The following SYNPR variants were observed in gnomAD, a reference collection of about 807,000 sequenced individuals.
The protein encoded by SYNPR is synaptoporin.
Under a neutral mutation model 32.9 loss-of-function variants are expected in SYNPR, and 23 were observed. That is an observed-to-expected ratio of 0.70 (90% CI 0.50 to 0.99). The LOEUF (loss-of-function observed/expected upper bound fraction) is 0.99. Ranked by LOEUF, SYNPR falls within the 50% of genes least tolerant of loss-of-function variation. The pLI is 0.00. For synonymous variants in SYNPR, 146 were observed against 135.9 expected (o/e 1.07, Z -0.52); for missense variants, 318 against 349.3 (o/e 0.91, Z 0.71).
chr3:63,267,757 G>T (rs544728847), intron 3 of SYNPR, among the ~76,000 whole-genome samples: 71 of 152,204 alleles, frequency 4.7e-4, no homozygotes, highest in Non-Finnish European at 7.8e-4. Context: ...TATTATATAG[G>T]ACTGAGAATT....
chr3:63,486,081 G>A (rs1451087602), intron 3 of SYNPR, among the ~76,000 whole-genome samples: 3 of 152,064 alleles, frequency 2.0e-5, no homozygotes, highest in African/African-American at 7.2e-5. Flanking sequence ...GCTAATTTTT[G>A]TATTTTTAGT....
chr3:63,526,985 A>C (rs1280544560), intron 3 of SYNPR, among the ~76,000 whole-genome samples: 1 of 152,150 alleles, frequency 6.6e-6, no homozygotes, highest in Non-Finnish European at 1.5e-5. Flanking sequence ...AAAATATATA[A>C]AGCTCCAAAT....
At chr3:63,581,769 T>G (rs955698657) in intron 4 of SYNPR, among the ~76,000 whole-genome samples, 1 of 152,060 alleles carries the variant, frequency 6.6e-6, no homozygotes, top group African/African-American at 2.4e-5. Flanking sequence ...AAGTTTACTT[T>G]GACTCTTGCT....
chr3:63,363,524 C>A (rs1413717425), intron 2 of SYNPR, among the ~76,000 whole-genome samples: 3 of 152,186 alleles, frequency 2.0e-5, no homozygotes, highest in Admixed American at 1.3e-4. Context: ...GAAATGTATT[C>A]ATGATCTGGC....
intron 3 of SYNPR, among the ~76,000 whole-genome samples, chr3:63,515,209 C>T (rs534168705): frequency 1.3e-3 from 191 of 152,122 alleles, no homozygotes; most frequent in African/African-American, 4.4e-3. Flanking sequence ...AAAACATCTG[C>T]GAGCTTATGA....
chr3:63,515,688 T>C (rs1701783803), intron 3 of SYNPR, among the ~76,000 whole-genome samples: 3 of 152,142 alleles, frequency 2.0e-5, no homozygotes, highest in African/African-American at 7.2e-5. Flanking sequence ...TTAATGACTC[T>C]GTTTTTATTA....
intron 2 of SYNPR, among the ~76,000 whole-genome samples, chr3:63,260,804 A>G (rs966565702): frequency 1.3e-5 from 2 of 151,924 alleles, no homozygotes; most frequent in African/African-American, 4.8e-5. Flanking sequence ...ATGGGAGAAA[A>G]TTTTTGCAAT....
chr3:63,606,998 T>G (rs149126288), intron 4 of SYNPR, among the ~76,000 whole-genome samples: 4 of 152,348 alleles, frequency 2.6e-5, no homozygotes, highest in African/African-American at 9.6e-5. Flanking sequence ...ATGAATATTA[T>G]TATTTGAACA....
chr3:63,585,768 T>C (rs1050759359), intron 4 of SYNPR, among the ~76,000 whole-genome samples: 1 of 152,142 alleles, frequency 6.6e-6, no homozygotes, highest in Non-Finnish European at 1.5e-5. Flanking sequence ...TATTACTTTT[T>C]AATTCTTGCA....
intron 2 of SYNPR, among the ~76,000 whole-genome samples, chr3:63,445,936 A>C (rs993138001): frequency 1.2e-4 from 19 of 152,186 alleles, no homozygotes; most frequent in African/African-American, 4.3e-4. Flanking sequence ...TTATGATTCC[A>C]AGCTAAGTAT....
At chr3:63,571,536 C>A (rs1022906638) in intron 4 of SYNPR, among the ~76,000 whole-genome samples, 1 of 151,938 alleles carries the variant, frequency 6.6e-6, no homozygotes, top group Non-Finnish European at 1.5e-5. Flanking sequence ...AACAGCCAAC[C>A]TTTTAAAGAC....
At chr3:63,210,796 C>T in the SYNPR span, among the ~76,000 whole-genome samples, 1 of 8,156 alleles carries the variant, frequency 1.2e-4, no homozygotes, top group African/African-American at 3.2e-4. Context: ...CATTTTCCTC[C>T]CTTCCTTCCT....
intron 1 of SYNPR, among the ~76,000 whole-genome samples, chr3:63,233,269 T>C (rs1285136610): frequency 6.6e-6 from 1 of 152,230 alleles, no homozygotes; most frequent in Non-Finnish European, 1.5e-5. Context: ...TCTAGCTCCC[T>C]GGAAGATATA....
intron 4 of SYNPR, among the ~76,000 whole-genome samples, chr3:63,557,327 C>A (rs546844779): frequency 3.3e-5 from 5 of 152,264 alleles, no homozygotes; most frequent in African/African-American, 1.2e-4. Flanking sequence ...AAATTTCACC[C>A]TTTACATGTG....
At chr3:63,299,403 C>T (rs549434243) in intron 2 of SYNPR, among the ~76,000 whole-genome samples, 16 of 152,018 alleles carry the variant, frequency 1.1e-4, no homozygotes, top group African/African-American at 3.9e-4. Flanking sequence ...TGTTTTGTTT[C>T]GTTTTTTGTT....
chr3:63,509,256 C>A (rs1205817634), intron 3 of SYNPR, among the ~76,000 whole-genome samples: 1 of 135,108 alleles, frequency 7.4e-6, no homozygotes, highest in South Asian at 2.3e-4. Context: ...CATACACACA[C>A]AATTAAGGCT....
chr3:63,335,126 G>A (rs548279412), intron 2 of SYNPR, among the ~76,000 whole-genome samples: 4 of 152,222 alleles, frequency 2.6e-5, no homozygotes, highest in South Asian at 4.2e-4. Context: ...AGGCCGAGGC[G>A]GGTGGATCAC....
At chr3:63,224,413 A>G (rs896362312), upstream of SYNPR, among the ~76,000 whole-genome samples, 1 of 152,228 alleles carries the variant, frequency 6.6e-6, no homozygotes, top group African/African-American at 2.4e-5. Flanking sequence ...CCTGATGCCA[A>G]ATTATTGGGG....
intron 2 of SYNPR, among the ~76,000 whole-genome samples, chr3:63,427,093 C>T (rs907462088): frequency 6.7e-6 from 1 of 150,318 alleles, no homozygotes; most frequent in Admixed American, 6.6e-5. Context: ...CAACCGGTCT[C>T]AAGCTACTTG....
Sources: allele counts gnomAD v4.1 joint callset (sites outside exome capture counted in the v4.1 genomes callset), GRCh38; gene constraint gnomAD v4.1.1; transcripts MANE v1.5; gene names NCBI Gene and HGNC (gene_info 2026-07-23, HGNC 2026-07-21).